The following MID1 variants were observed in gnomAD, a reference collection of about 807,000 sequenced individuals.
MID1 encodes E3 ubiquitin-protein ligase Midline-1.
A neutral mutation model predicts 40.4 loss-of-function variants in MID1; 7 were observed. The ratio of observed to expected loss-of-function variants is 0.17; its 90% CI spans 0.10 to 0.33. The LOEUF (loss-of-function observed/expected upper bound fraction) is 0.33. Ranked by LOEUF, MID1 falls within the 10% of genes least tolerant of loss-of-function variation. The probability of loss-of-function intolerance (pLI) is 1.00; values close to 1 mark genes in which losing one functional copy is unlikely to be tolerated. For synonymous variants in MID1, 229 were observed against 221.2 expected (o/e 1.04, Z -0.31); for missense variants, 367 against 558.5 (o/e 0.66, Z 3.46).
At chrX:10,445,477 T>C (rs1051065368), downstream of MID1, 23 of 112,397 alleles carry the variant, frequency 2.0e-4, no homozygotes, top group African/African-American at 3.9e-4. Flanking sequence ...TGGTAGATGT[T>C]GAATAAATAT....
At chrX:10,619,066 G>C (rs771880535) in intron 1 of MID1, among the ~76,000 whole-genome samples, 30 of 111,582 alleles carry the variant, frequency 2.7e-4, no homozygotes, top group Non-Finnish European at 4.3e-4. Flanking sequence ...TTGCTCCTCC[G>C]CAAGTGTTTT....
At position 10,720,501 on chromosome X, in the gene MID1, C is replaced by G. The variant is rs977160783; in HGVS notation, c.-186-100082G>C. Among the ~76,000 whole-genome samples, 14 of 112,029 alleles carry G rather than the reference C, an allele frequency of 1.2e-4. No homozygotes were observed. In the Middle Eastern group the frequency reaches 0.014, roughly 111 times the overall value. Reference sequence around the variant, plus strand: ...TGCAAATCAAAACCACAATGAGATACCATCTCACACTAGTTAGAATGGCGA... The same window carrying G: ...TGCAAATCAAAACCACAATGAGATAGCATCTCACACTAGTTAGAATGGCGA... On this transcript the variant is annotated intron_variant, in intron 1 of 10. Coordinates refer to the MID1 transcript ENST00000380785.
At chrX:10,678,680 A>T (rs2043038764) in intron 1 of MID1, among the ~76,000 whole-genome samples, 1 of 112,098 alleles carries the variant, frequency 8.9e-6, no homozygotes, top group Non-Finnish European at 1.9e-5. Flanking sequence ...TGAATGCCTA[A>T]ACTTGGAAAA....
chrX:10,580,933 TAAAAA>T (rs757426965), intron 1 of MID1, among the ~76,000 whole-genome samples: 1 of 58,533 alleles, frequency 1.7e-5, no homozygotes, highest in African/African-American at 6.2e-5. Flanking sequence ...TGGTGTCCTG[TAAAAA>T]AAAAAAAAAA....
At chrX:10,757,419 A>C (rs1315929657) in intron 1 of MID1, among the ~76,000 whole-genome samples, 4 of 112,255 alleles carry the variant, frequency 3.6e-5, no homozygotes. Context: ...ATCATTAGGA[A>C]AATTTTCCAA....
At chrX:10,620,763 C>T (rs1264128992), upstream of MID1, 1 of 112,203 alleles carries the variant, frequency 8.9e-6, no homozygotes, top group African/African-American at 3.2e-5. Context: ...AGGATGAGTT[C>T]TATTCTTATC....
At chrX:10,780,967 G>A (rs900225154) in intron 1 of MID1, among the ~76,000 whole-genome samples, 4 of 111,774 alleles carry the variant, frequency 3.6e-5, no homozygotes, top group Non-Finnish European at 7.5e-5. Flanking sequence ...GGGCTCAGGC[G>A]GTAATGCTTG....
upstream of MID1, among the ~76,000 whole-genome samples, chrX:10,622,632 A>C (rs758296541): frequency 3.6e-5 from 4 of 111,982 alleles, no homozygotes; most frequent in South Asian, 1.5e-3. Flanking sequence ...CTGATGAAGC[A>C]GAGAGCCCTC....
intron 1 of MID1, among the ~76,000 whole-genome samples, chrX:10,573,440 T>A (rs1389917433): frequency 1.8e-5 from 2 of 111,952 alleles, no homozygotes; most frequent in Non-Finnish European, 3.8e-5. Context: ...TGAGAACCAA[T>A]CTAGTCTCCA....
At chrX:10,587,904 T>C (rs923548528) in intron 1 of MID1, among the ~76,000 whole-genome samples, 1 of 111,261 alleles carries the variant, frequency 9.0e-6, no homozygotes, top group Admixed American at 9.6e-5. Flanking sequence ...AACTTAATTT[T>C]AATAAAACCT....
chrX:10,613,726 TATATATAGAG>T (rs1391149835), intron 1 of MID1, among the ~76,000 whole-genome samples: 89 of 48,539 alleles, frequency 1.8e-3, no homozygotes, highest in Non-Finnish European at 2.7e-3. Context: ...TATATATATA[TATATATAGAG>T]AGAGAGAGAG....
intron 2 of MID1, among the ~76,000 whole-genome samples, chrX:10,530,221 T>C (rs1189883590): frequency 8.9e-6 from 1 of 112,182 alleles, no homozygotes; most frequent in East Asian, 2.8e-4. Flanking sequence ...TCAAGTTCCA[T>C]CTAAACCCAA....
At chrX:10,798,529 C>T (rs116824351) in intron 1 of MID1, among the ~76,000 whole-genome samples, 82 of 111,831 alleles carry the variant, frequency 7.3e-4, no homozygotes, top group African/African-American at 2.5e-3. Flanking sequence ...CCCCATTTTG[C>T]TTCTGTTATT....
At chrX:10,459,118 C>T (rs1928866657) in intron 8 of MID1, among the ~76,000 whole-genome samples, 1 of 110,829 alleles carries the variant, frequency 9.0e-6, no homozygotes, top group South Asian at 3.9e-4. Flanking sequence ...ATGCCGGTAG[C>T]ATCCACCTCA....
At chrX:10,556,995 A>T (rs1934145902) in intron 2 of MID1, among the ~76,000 whole-genome samples, 1 of 112,144 alleles carries the variant, frequency 8.9e-6, no homozygotes, top group Admixed American at 9.5e-5. Flanking sequence ...GAAAACAATA[A>T]TCCTAAGAAG....
chrX:10,732,679 A>T (rs1479879469), intron 1 of MID1, among the ~76,000 whole-genome samples: 5 of 111,833 alleles, frequency 4.5e-5, no homozygotes, highest in Non-Finnish European at 7.5e-5. Flanking sequence ...ACAGCCAAAC[A>T]ATCCTTAACA....
chrX:10,779,729 AG>A (rs1240041378), intron 1 of MID1, among the ~76,000 whole-genome samples: 3 of 111,393 alleles, frequency 2.7e-5, no homozygotes, highest in Non-Finnish European at 5.6e-5. Flanking sequence ...CATAATTTCT[AG>A]AATGCAACCA....
intron 1 of MID1, among the ~76,000 whole-genome samples, chrX:10,594,150 A>G (rs1443570855): frequency 8.9e-6 from 1 of 111,789 alleles, no homozygotes; most frequent in Non-Finnish European, 1.9e-5. Flanking sequence ...GTGTGTATAT[A>G]TATTTATGTA....
intron 1 of MID1, among the ~76,000 whole-genome samples, chrX:10,719,448 T>C (rs1430933553): frequency 9.0e-6 from 1 of 110,955 alleles, no homozygotes; most frequent in African/African-American, 3.3e-5. Context: ...CCATTCACAA[T>C]TGCTTCAAAG....
Sources: gnomAD v4.1 joint callset for allele counts (sites outside exome capture counted in the v4.1 genomes callset) on GRCh38, gnomAD v4.1.1 for gene constraint, MANE v1.5 for transcripts, NCBI Gene and HGNC (gene_info 2026-07-23, HGNC 2026-07-21) for gene names.